ACTR1A: variants seen among roughly 807,000 people sequenced by gnomAD.
The protein encoded by ACTR1A is alpha-centractin.
In ACTR1A, 10 loss-of-function variants were observed where a neutral mutation model predicts 50.7. The observed-to-expected ratio is 0.20, with a 90% CI of 0.12 to 0.33. ACTR1A has a LOEUF of 0.33. Among genes scored for constraint, ACTR1A ranks in the 10% least tolerant of loss-of-function variants. The pLI is 1.00. For synonymous variants in ACTR1A, 177 were observed against 184.2 expected (o/e 0.96, Z 0.32); for missense variants, 253 against 491.7 (o/e 0.51, Z 4.59).
chr10:102,482,780 TA>T lies in ACTR1A; in HGVS notation c.750+230del, dbSNP rs35645620. ...CTAACACTAATGACAGCTGCTGAGC[TA>T]AAAAAAAAAATTGCAAAAGAATCTC... is the stretch of plus-strand genomic sequence containing the variant. On this transcript the variant is annotated intron_variant, in intron 7 of 10. Transcript: ENST00000369905. The surrounding 1 kb of genome is among the most constrained non-coding windows in gnomAD (Gnocchi z 5.6). The T allele has an allele frequency of 0.029, 13,506 of 463,928 alleles. 2 individuals are homozygous for T. Among genetic ancestry groups the T allele is most frequent in the Middle Eastern group, 0.053 (90 of 1,696 alleles). 28.7% of individuals were successfully genotyped at this position (463,928 alleles called of 1,614,324 possible).
intron 1 of ACTR1A, 27 bp downstream of exon 1, chr10:102,502,573 C>T (rs886538158): frequency 1.9e-6 from 3 of 1,613,752 alleles, no homozygotes; most frequent in African/African-American, 1.3e-5. Flanking sequence ...CCCAAGTCCC[C>T]TTATAGATAG....
Position 102,479,826 on chromosome 10 carries a change from C to A in ACTR1A, c.*1037G>T. 2.2e-6 allele frequency: 1 copy of A among 450,482 alleles called. No individual in the cohort carries two copies. The highest frequency in any genetic ancestry group is 3.7e-6 in the Non-Finnish European group (1 of 267,414). The allele number at this position is 450,482 out of a possible 1,614,324, so 27.9% of individuals were successfully genotyped here. The stretch of plus-strand genomic sequence containing the variant: ...CAAAGAAAAATTTTACCTCCTGTTT[C>A]AGAAAATCTAACCAGCAACCAGCCT... On this transcript the variant is annotated 3_prime_UTR_variant, in exon 11 of 11. Coordinates refer to ENST00000369905, the MANE Select transcript of ACTR1A (RefSeq NM_005736.4). The surrounding 1 kb of genome is among the most constrained non-coding windows in gnomAD (Gnocchi z 4.0).
intron 1 of ACTR1A, among the ~76,000 whole-genome samples, chr10:102,496,071 G>GC (rs2062221001): frequency 6.6e-6 from 1 of 152,164 alleles, no homozygotes; most frequent in Non-Finnish European, 1.5e-5. Context: ...TCAGCCTCCT[G>GC]CATAGCTGGG....
intron 4 of ACTR1A, among the ~76,000 whole-genome samples, chr10:102,486,029 CAAG>C (rs1409318882): frequency 6.6e-6 from 1 of 152,138 alleles, no homozygotes; most frequent in Non-Finnish European, 1.5e-5. Context: ...CTCCAACTGT[CAAG>C]AAGATTTTGT....
intron 6 of ACTR1A, 34 bp downstream of exon 6, chr10:102,484,126 C>G (rs7079810): frequency 1.2e-6 from 2 of 1,606,132 alleles, no homozygotes; most frequent in Non-Finnish European, 8.5e-7. Context: ...TCCCAACCCC[C>G]ACTCCATCCC....
chr10:102,484,593 G>A (rs765782581), intron 5 of ACTR1A, among the ~76,000 whole-genome samples: 5 of 152,072 alleles, frequency 3.3e-5, no homozygotes, highest in Admixed American at 6.5e-5. Flanking sequence ...TTCCCTCCCC[G>A]TACCCAGAAG....
rs1207605989 is a variant in ACTR1A, at chr10:102,482,979, A to AG, written c.750+31dup. On this transcript the variant is annotated intron_variant, in intron 7 of 10. Transcript: ENST00000369905. The surrounding 1 kb of genome is among the most constrained non-coding windows in gnomAD (Gnocchi z 5.6). ...TGGGCCCAGAGCTTTTGTGGACCTA[A>AG]GGGGACCGAAGAAAGAAGGCAGGCC... 1 of 1,562,100 alleles carries AG rather than the reference A, an allele frequency of 6.4e-7. No individual in the cohort carries two copies. Among genetic ancestry groups the AG allele is most frequent in the East Asian group, 2.2e-5 (1 of 44,632 alleles).
chr10:102,497,071 C>T (rs1322196462), intron 1 of ACTR1A, among the ~76,000 whole-genome samples: 1 of 147,390 alleles, frequency 6.8e-6, no homozygotes, highest in Non-Finnish European at 1.5e-5. Context: ...CCCAACTACT[C>T]GGGAGGCTGA....
rs965062096 is a variant in ACTR1A, at chr10:102,488,636, C to T, written c.190-361G>A. Among the ~76,000 whole-genome samples, 10 of 152,184 alleles carry T rather than the reference C, an allele frequency of 6.6e-5. No individual in the cohort carries two copies. Among genetic ancestry groups the T allele is most frequent in the African/African-American group, 2.4e-4 (10 of 41,452 alleles). Reference sequence around the variant, plus strand: ...CACTTGAAGCCAAGGATGGCAACAGCGATTCTGCTATCTGCTTACAAGAGG... The same window carrying T: ...CACTTGAAGCCAAGGATGGCAACAGTGATTCTGCTATCTGCTTACAAGAGG... On this transcript the variant is annotated intron_variant, in intron 3 of 10. Coordinates refer to ENST00000369905, the MANE Select transcript of ACTR1A (RefSeq NM_005736.4). The surrounding 1 kb of genome is among the most constrained non-coding windows in gnomAD (Gnocchi z 4.4).
At chr10:102,495,399 C>T (rs931180201) in intron 1 of ACTR1A, among the ~76,000 whole-genome samples, 4 of 152,004 alleles carry the variant, frequency 2.6e-5, no homozygotes, top group Non-Finnish European at 4.4e-5. Flanking sequence ...GAAACCCCGT[C>T]TTCACTAAAA....
At chr10:102,487,185 G>A (rs554080770) in intron 4 of ACTR1A, among the ~76,000 whole-genome samples, 59 of 152,258 alleles carry the variant, frequency 3.9e-4, no homozygotes, top group Non-Finnish European at 7.1e-4. Context: ...AGAGGTGGAG[G>A]CGGATAGATT....
At chr10:102,491,450 T>C (rs1351175597) in intron 1 of ACTR1A, among the ~76,000 whole-genome samples, 1 of 152,236 alleles carries the variant, frequency 6.6e-6, no homozygotes, top group African/African-American at 2.4e-5. Context: ...CTGGTTCTTA[T>C]TGCAAGGGCA....
intron 4 of ACTR1A, among the ~76,000 whole-genome samples, chr10:102,487,035 T>C (rs1467308013): frequency 6.6e-6 from 1 of 151,734 alleles, no homozygotes; most frequent in African/African-American, 2.4e-5. Context: ...GCTCAAGAGA[T>C]CCACCCAAAG....
chr10:102,495,639 G>T (rs1406315832), intron 1 of ACTR1A, among the ~76,000 whole-genome samples: 1 of 151,550 alleles, frequency 6.6e-6, no homozygotes, highest in Admixed American at 6.6e-5. Flanking sequence ...TGAGGCAGGA[G>T]AATCTCTTGA....
Position 102,481,897 on chromosome 10 carries a change from A to C in ACTR1A, c.927T>G (p.Gly309=). 5 of 1,612,824 alleles carry C rather than the reference A, an allele frequency of 3.1e-6. No individual in the cohort carries two copies. Among genetic ancestry groups the C allele is most frequent in the Non-Finnish European group, 4.2e-6 (5 of 1,179,996 alleles). The change falls in exon 9 of 11, where the codon GGT becomes GGG. Residue 309 remains glycine (G), a splice_region_variant and synonymous_variant. Transcript: ENST00000369905. ...VLSGGSTLFK[G]FGDRLLSEVK... is the part of the protein sequence containing the mutation. The stretch of plus-strand genomic sequence containing the variant: ...CTTCACTCAGGAGCCTGTCACCAAA[A>C]CCTGAATGGGCAAAGAGGAGAACTT...
In ACTR1A at chr10:102,485,622, C is replaced by T. The variant is rs753414277; in HGVS notation, c.427G>A (p.Ala143Thr). 12 of 1,613,852 alleles carry T rather than the reference C, an allele frequency of 7.4e-6. No homozygotes were observed. Among genetic ancestry groups the T allele is most frequent in the Non-Finnish European group, 9.3e-6 (11 of 1,179,978 alleles). Residue 143 changes from alanine (A) to threonine (T), a missense_variant, in exon 5 of 11, where the codon GCT (alanine) becomes ACT (threonine). Transcript: ENST00000369905. ...NVPALFISMQ[A>T]VLSLYATGRT... Reference sequence around the variant, plus strand: ...GCTGCTACTCACAGGCTGAGTACAGCTTGCATGGAGATGAAAAGAGCGGGC... The same window carrying T: ...GCTGCTACTCACAGGCTGAGTACAGTTTGCATGGAGATGAAAAGAGCGGGC...
intron 1 of ACTR1A, among the ~76,000 whole-genome samples, chr10:102,496,068 C>T (rs1236604796): frequency 1.3e-5 from 2 of 152,222 alleles, no homozygotes; most frequent in African/African-American, 2.4e-5. Flanking sequence ...GCCTCAGCCT[C>T]CTGCATAGCT....
intron 2 of ACTR1A, 114 bp from the exon 3 acceptor site, chr10:102,489,252 AG>A (rs1268034219): frequency 1.6e-6 from 1 of 637,394 alleles, no homozygotes; most frequent in East Asian, 3.2e-5. Flanking sequence ...CAAGGAGTGA[AG>A]TCACAGTTGA....
Position 102,490,549 on chromosome 10 carries a change from T to G in ACTR1A, c.113A>C (p.Tyr38Ser), listed in dbSNP as rs1401869736. ...ACGTCTAAGCTACAGAATGACTTAC[T>G]AGTTTGGAAAGCAGTATTTGGGGAT... ...DQIPKYCFPN[Y>S]VGRPKHVRVM... is the part of the protein sequence containing the mutation. Residue 38 changes from tyrosine (Y) to serine (S), a missense_variant and splice_region_variant, in exon 2 of 11, where the codon TAT (tyrosine) becomes TCT (serine). Around this residue, in one of 4 missense-constraint regions of ACTR1A, gnomAD observed 96 missense variants for 238.7 expected, o/e 0.40. Coordinates refer to ENST00000369905, the MANE Select transcript of ACTR1A (RefSeq NM_005736.4). The G allele has an allele frequency of 1.2e-6, 2 of 1,611,874 alleles. No individual in the cohort carries two copies. The highest frequency in any genetic ancestry group is 2.2e-5 in the South Asian group (2 of 91,036).
Sources: allele counts gnomAD v4.1 joint callset (sites outside exome capture counted in the v4.1 genomes callset), GRCh38; gene constraint gnomAD v4.1.1; regional missense constraint gnomAD v4.1.1; non-coding constraint Gnocchi (gnomAD v3.1); transcripts MANE v1.5; gene names NCBI Gene and HGNC (gene_info 2026-07-23, HGNC 2026-07-21).